Variants in QRFPR observed in about 807,000 individuals in gnomAD.
The protein encoded by QRFPR is pyroglutamylated RF-amide peptide receptor.
Under a neutral mutation model 31.3 loss-of-function variants are expected in QRFPR, and 37 were observed. That is an observed-to-expected ratio of 1.18 (90% confidence interval 0.91 to 1.56). The LOEUF (loss-of-function observed/expected upper bound fraction) is 1.56. QRFPR is among the 40% of genes most tolerant of loss of function. The pLI, the probability that QRFPR is intolerant of heterozygous loss-of-function variation, is 0.00. For missense variants in QRFPR, 542 were observed against 532.5 expected, an observed-to-expected ratio of 1.02 and a Z score of -0.18; for synonymous variants, 197 against 192.0, an observed-to-expected ratio of 1.03 and a Z score of -0.22.
rs750143788 is a variant in QRFPR, at chr4:121,366,757, T to C, written c.340+13551A>G. Among the ~76,000 whole-genome samples the C allele has an allele frequency of 1.1e-4, 17 of 150,360 alleles. 1 individual carries two copies. Among genetic ancestry groups the C allele is most frequent in the Non-Finnish European group, 2.1e-4 (14 of 67,652 alleles). Reference sequence around the variant, plus strand: ...TTTGTGATTTGCTGTGCAGAATAGCTAATTAATACACTAACACCTCTCTGA... The same window carrying C: ...TTTGTGATTTGCTGTGCAGAATAGCCAATTAATACACTAACACCTCTCTGA... On this transcript the variant is annotated intron_variant, in intron 1 of 5. Coordinates refer to ENST00000394427, the MANE Select transcript of QRFPR (RefSeq NM_198179.3).
At chr4:121,355,176 T>G (rs1291827079) in intron 1 of QRFPR, among the ~76,000 whole-genome samples, 1 of 152,154 alleles carries the variant, frequency 6.6e-6, no homozygotes, top group Non-Finnish European at 1.5e-5. Flanking sequence ...TTTGGTAGAA[T>G]TCAGCAGTAA....
intron 1 of QRFPR, among the ~76,000 whole-genome samples, chr4:121,376,451 C>T (rs1349119368): frequency 6.6e-6 from 1 of 151,970 alleles, no homozygotes; most frequent in Non-Finnish European, 1.5e-5. Context: ...TTTGCCTCAC[C>T]TATTATTCAT....
intron 3 of QRFPR, among the ~76,000 whole-genome samples, chr4:121,335,944 G>T (rs1336925448): frequency 1.3e-5 from 2 of 152,062 alleles, no homozygotes; most frequent in Non-Finnish European, 2.9e-5. Context: ...ATTACTTTCT[G>T]CTCTCACCTA....
At chr4:121,332,347 G>A (rs1476066745) in intron 4 of QRFPR, among the ~76,000 whole-genome samples, 2 of 152,114 alleles carry the variant, frequency 1.3e-5, no homozygotes, top group East Asian at 1.9e-4. Context: ...AGCATGCTTC[G>A]GTTTCCAAAG....
In QRFPR at chr4:121,329,605, C is replaced by A; in HGVS notation, c.1005G>T (p.Met335Ile). 6.2e-7 allele frequency: 1 copy of A among 1,613,262 alleles called. No individual in the cohort carries two copies. The highest frequency in any genetic ancestry group is 1.7e-4 in the Middle Eastern group (1 of 6,056). The change falls in exon 6 of 6, where the codon ATG (methionine) becomes ATT (isoleucine). Residue 335 changes from methionine (M) to isoleucine (I), a missense_variant. By Grantham distance (10) the Met-to-Ile change is conservative. Coordinates refer to ENST00000394427, the MANE Select transcript of QRFPR (RefSeq NM_198179.3). ...SICNPIVYAFMNENFKKNVLS... is the reference protein window; with the variant it reads ...SICNPIVYAFINENFKKNVLS... The stretch of plus-strand genomic sequence containing the variant: ...AAACATTTTTTTTGAAGTTTTCATT[C>A]ATAAATGCATAGACAATGGGATTAC...
intron 1 of QRFPR, among the ~76,000 whole-genome samples, chr4:121,356,849 A>C (rs911286599): frequency 6.6e-5 from 10 of 152,044 alleles, no homozygotes. Context: ...GCTGGGTCAC[A>C]CCTGAAGCCA....
At chr4:121,355,035 T>C (rs78375434) in intron 1 of QRFPR, among the ~76,000 whole-genome samples, 1 of 152,258 alleles carries the variant, frequency 6.6e-6, no homozygotes, top group East Asian at 1.9e-4. Context: ...TTTTTCTTTT[T>C]TCGTTGTGTC....
chr4:121,329,134 T>G lies in QRFPR; in HGVS notation c.*180A>C. 1.9e-6 allele frequency: 1 copy of G among 517,900 alleles called. No individual in the cohort carries two copies. Among genetic ancestry groups the G allele is most frequent in the Non-Finnish European group, 3.3e-6 (1 of 300,588 alleles). 32.1% of individuals were successfully genotyped at this position (517,900 alleles called of 1,614,324 possible). On this transcript the variant is annotated 3_prime_UTR_variant, in exon 6 of 6. Coordinates refer to ENST00000394427, the MANE Select transcript of QRFPR (RefSeq NM_198179.3). ...ACAGAAATCTGTTAAATGATTGTGA[T>G]CAATTGGTTGTAAACATCACTGCAC...
intron 1 of QRFPR, among the ~76,000 whole-genome samples, chr4:121,355,618 T>G (rs1236204769): frequency 6.6e-6 from 1 of 152,100 alleles, no homozygotes; most frequent in Non-Finnish European, 1.5e-5. Context: ...TGGTTTGTTC[T>G]TGTCTTTCTA....
chr4:121,355,400 G>T (rs993483540), intron 1 of QRFPR, among the ~76,000 whole-genome samples: 1 of 151,856 alleles, frequency 6.6e-6, no homozygotes, highest in Non-Finnish European at 1.5e-5. Flanking sequence ...GAATTTCTGT[G>T]GTATCAGTTG....
At chr4:121,365,665 T>A (rs1052909578) in intron 1 of QRFPR, among the ~76,000 whole-genome samples, 272 of 18,824 alleles carry the variant, frequency 0.014, 8 homozygotes, top group African/African-American at 0.037. Context: ...TTATATATAT[T>A]TTATATATTA....
intron 1 of QRFPR, among the ~76,000 whole-genome samples, chr4:121,374,678 T>A (rs925800261): frequency 6.6e-6 from 1 of 152,298 alleles, no homozygotes; most frequent in East Asian, 1.9e-4. Flanking sequence ...AACTCCCAGA[T>A]GATTTACTAC....
At chr4:121,372,980 C>G (rs1474276668) in intron 1 of QRFPR, among the ~76,000 whole-genome samples, 3 of 152,122 alleles carry the variant, frequency 2.0e-5, no homozygotes, top group Non-Finnish European at 2.9e-5. Context: ...GGAGGATGAT[C>G]ACTGTTGAAG....
intron 3 of QRFPR, among the ~76,000 whole-genome samples, chr4:121,333,612 G>A (rs531219072): frequency 1.3e-5 from 2 of 152,230 alleles, no homozygotes; most frequent in African/African-American, 4.8e-5. Context: ...TGAGATGAAT[G>A]AGAAATTGGG....
rs188922320 is a variant in QRFPR at position 121,364,223 on chromosome 4, G to A, written c.340+16085C>T. ...GGAAAAACACTCTACAATTGGGCAT[G>A]TCTTTCAAAGCATGAGCCTTGCAAA... is the stretch of plus-strand genomic sequence containing the variant. On this transcript the variant is annotated intron_variant, in intron 1 of 5. Coordinates refer to ENST00000394427, the MANE Select transcript of QRFPR (RefSeq NM_198179.3). 1.6e-3 allele frequency among the ~76,000 whole-genome samples: 235 copies of A among 150,100 alleles called. 20 individuals are homozygous for A. Among genetic ancestry groups the A allele is most frequent in the Non-Finnish European group, 4.3e-4 (29 of 67,562 alleles).
At chr4:121,361,673 C>T (rs1310723076) in intron 1 of QRFPR, among the ~76,000 whole-genome samples, 1 of 150,186 alleles carries the variant, frequency 6.7e-6, no homozygotes, top group Non-Finnish European at 1.5e-5. Context: ...GCTGATGCTG[C>T]GTGTCCATGG....
intron 1 of QRFPR, 93 bp from the exon 2 acceptor site, chr4:121,340,703 G>A: frequency 8.9e-6 from 11 of 1,240,356 alleles, no homozygotes; most frequent in Non-Finnish European, 1.2e-5. Context: ...AGTCCATTCT[G>A]AGCCTCTGCC....
intron 1 of QRFPR, among the ~76,000 whole-genome samples, chr4:121,347,995 T>C (rs1725690494): frequency 6.6e-6 from 1 of 152,150 alleles, no homozygotes; most frequent in Non-Finnish European, 1.5e-5. Context: ...AACTTTTTTA[T>C]AGAGTATTTT....
intron 1 of QRFPR, among the ~76,000 whole-genome samples, chr4:121,354,994 A>G (rs1043533538): frequency 2.6e-5 from 4 of 152,170 alleles, no homozygotes; most frequent in Admixed American, 2.0e-4. Flanking sequence ...AGGTTTTTGC[A>G]TCTATGCTAA....
Sources: allele counts gnomAD v4.1 joint callset (sites outside exome capture counted in the v4.1 genomes callset), GRCh38; gene constraint gnomAD v4.1.1; transcripts MANE v1.5; gene names NCBI Gene and HGNC (gene_info 2026-07-23, HGNC 2026-07-21).